SUGT1: variants seen among roughly 807,000 people sequenced by gnomAD.
SUGT1 encodes protein SGT1 homolog.
SUGT1 carries 15 observed loss-of-function variants against 56.1 expected under a neutral mutation model. The observed-to-expected ratio is 0.27, with a 90% CI of 0.18 to 0.41. The LOEUF is 0.41. SUGT1 is among the 10% of genes least tolerant of loss of function. The probability of loss-of-function intolerance (pLI) is 1.00; values close to 1 mark genes in which losing one functional copy is unlikely to be tolerated. For synonymous variants in SUGT1, 123 were observed against 128.6 expected, an observed-to-expected ratio of 0.96 and a Z score of 0.30; for missense variants, 347 against 382.2, an observed-to-expected ratio of 0.91 and a Z score of 0.77.
intron 10 of SUGT1, among the ~76,000 whole-genome samples, chr13:52,673,791 T>C (rs1010319720): frequency 1.3e-5 from 2 of 152,230 alleles, no homozygotes; most frequent in Non-Finnish European, 2.9e-5. Flanking sequence ...TTAAAGAAGA[T>C]GCAATTTTAA....
intron 5 of SUGT1, among the ~76,000 whole-genome samples, chr13:52,659,816 T>TATATATATA (rs1962350522): frequency 4.1e-5 from 1 of 24,324 alleles, no homozygotes; most frequent in East Asian, 1.3e-3. Context: ...ATATATATAT[T>TATATATATA]TTTTTTTTTT....
In SUGT1 at chr13:52,652,855, G is replaced by C; in HGVS notation, c.-66G>C. On this transcript the variant is annotated 5_prime_UTR_variant, in exon 1 of 13. Coordinates refer to ENST00000310528, the MANE Select transcript of SUGT1 (RefSeq NM_006704.5). ...GTGTTTCTCCAGAAGTTTCCCCCTT[G>C]GGCGGTGGTGGAGGTGGTAACCGTG... 3.2e-6 allele frequency: 5 copies of C among 1,581,320 alleles called. No individual in the cohort carries two copies. In the South Asian group the frequency reaches 5.7e-5, roughly 18 times the overall value.
rs575716311 is a variant in SUGT1, at chr13:52,695,540, A to G, written c.*7705A>G. 15 of 152,332 alleles carry G rather than the reference A, an allele frequency of 9.8e-5. No homozygotes were observed. Among genetic ancestry groups the G allele is most frequent in the African/African-American group, 3.6e-4 (15 of 41,576 alleles). The allele number at this position is 152,332 out of a possible 1,614,324, so 9.4% of individuals were successfully genotyped here. Reference sequence around the variant, plus strand: ...TCAAATTATGTTACCAATAAATGCTACTTAAATGTAAAGTCCTTGATTTAT... The same window carrying G: ...TCAAATTATGTTACCAATAAATGCTGCTTAAATGTAAAGTCCTTGATTTAT... On this transcript the variant is annotated 3_prime_UTR_variant, in exon 13 of 13. Transcript: ENST00000310528.
At chr13:52,675,969 G>A (rs1279143459) in intron 10 of SUGT1, among the ~76,000 whole-genome samples, 1 of 151,830 alleles carries the variant, frequency 6.6e-6, no homozygotes, top group Non-Finnish European at 1.5e-5. Context: ...ACATTGCTTT[G>A]GATGAAAAAA....
chr13:52,659,065 A>G (rs1962302788), intron 4 of SUGT1, 114 bp from the exon 5 acceptor site: 1 of 745,212 alleles, frequency 1.3e-6, no homozygotes, highest in South Asian at 2.2e-5. Flanking sequence ...ATTAACATAC[A>G]CTTAAAATAA....
intron 2 of SUGT1, among the ~76,000 whole-genome samples, chr13:52,654,356 C>G (rs1962060491): frequency 1.3e-5 from 2 of 152,202 alleles, no homozygotes; most frequent in African/African-American, 4.8e-5. Context: ...AGACCTAGTG[C>G]TTCCTTTGGG....
chr13:52,654,529 C>A (rs1962067642), intron 2 of SUGT1, among the ~76,000 whole-genome samples: 1 of 152,176 alleles, frequency 6.6e-6, no homozygotes, highest in Non-Finnish European at 1.5e-5. Context: ...CACATGTTTA[C>A]ACCACCAGAT....
At chr13:52,682,163 T>TA (rs1369104942) in intron 12 of SUGT1, among the ~76,000 whole-genome samples, 1 of 152,150 alleles carries the variant, frequency 6.6e-6, no homozygotes, top group Non-Finnish European at 1.5e-5. Context: ...CTCTCCTATT[T>TA]AAAAAATAAA....
chr13:52,682,597 G>T (rs1438508946), intron 12 of SUGT1, among the ~76,000 whole-genome samples: 1 of 152,162 alleles, frequency 6.6e-6, no homozygotes, highest in Non-Finnish European at 1.5e-5. Flanking sequence ...TAGTATGTTC[G>T]GGTGTTCTGG....
rs1566194178 is a variant in SUGT1 at position 52,679,990 on chromosome 13, T to TCCA, written c.736_738dup (p.Pro246dup). ...ACTTCATAGATGTAAAGAACCTATA[T>TCCA]CCATCATCATCTCCTTATACAAGAA... On this transcript the variant is annotated inframe_insertion, in exon 12 of 13. Transcript: ENST00000310528. 1 of 1,595,460 alleles carries TCCA rather than the reference T, an allele frequency of 6.3e-7. No homozygotes were observed. The highest frequency in any genetic ancestry group is 8.5e-7 in the Non-Finnish European group (1 of 1,175,220).
intron 5 of SUGT1, among the ~76,000 whole-genome samples, chr13:52,660,406 TCTATAATGCCC>T: frequency 6.6e-6 from 1 of 152,166 alleles, no homozygotes; most frequent in Non-Finnish European, 1.5e-5. Flanking sequence ...TACTAAATAT[TCTATAATGCCC>T]AGGACAGTTC....
intron 2 of SUGT1, among the ~76,000 whole-genome samples, chr13:52,654,059 G>A (rs1204904453): frequency 6.6e-6 from 1 of 152,196 alleles, no homozygotes; most frequent in Non-Finnish European, 1.5e-5. Context: ...TCTTGAGGTA[G>A]GAATGAAGTT....
intron 2 of SUGT1, among the ~76,000 whole-genome samples, chr13:52,653,552 T>A (rs956647152): frequency 2.0e-5 from 3 of 152,230 alleles, no homozygotes; most frequent in Non-Finnish European, 4.4e-5. Flanking sequence ...ACTTTCCAGA[T>A]GTCTTATCAC....
rs537442976 is a variant in SUGT1, at chr13:52,665,564, A to T, written c.423-73A>T. The T allele has an allele frequency of 3.0e-4, 324 of 1,075,060 alleles. 2 individuals are homozygous for T. The African/African-American group carries it at 4.8e-3, about 16-fold the overall frequency. 66.6% of individuals were successfully genotyped at this position (1,075,060 alleles called of 1,614,324 possible). ...AGGTGGGGCTCTTGTTGTTTATCAGACTAGTTTTTGTTTTGACAATAGCTT... is the reference window on the plus strand; with the variant it reads ...AGGTGGGGCTCTTGTTGTTTATCAGTCTAGTTTTTGTTTTGACAATAGCTT... On this transcript the variant is annotated intron_variant, in intron 8 of 12. Coordinates refer to ENST00000310528, the MANE Select transcript of SUGT1 (RefSeq NM_006704.5).
intron 10 of SUGT1, among the ~76,000 whole-genome samples, chr13:52,667,855 A>AAG (rs1396126753): frequency 1.3e-5 from 2 of 152,140 alleles, no homozygotes; most frequent in Non-Finnish European, 2.9e-5. Flanking sequence ...GCACCTTTGA[A>AAG]AGGAGGGCTG....
At chr13:52,659,671 A>G (rs1404295043) in intron 5 of SUGT1, among the ~76,000 whole-genome samples, 1 of 151,416 alleles carries the variant, frequency 6.6e-6, no homozygotes, top group Non-Finnish European at 1.5e-5. Context: ...ATGAGAGGGT[A>G]CAGAAGAAAC....
At position 52,696,372 on chromosome 13, in the gene SUGT1, CTATT is replaced by C. The variant is rs1175917558; in HGVS notation, c.*8541_*8544del. On this transcript the variant is annotated 3_prime_UTR_variant, in exon 13 of 13. Coordinates refer to ENST00000310528, the MANE Select transcript of SUGT1 (RefSeq NM_006704.5). ...ATGTGGGAGTGCCTTGTTTATGCCT[CTATT>C]TATGACACCTTCATGGTGTCACATG... 6.6e-6 allele frequency: 1 copy of C among 152,170 alleles called. No homozygotes were observed. The highest frequency in any genetic ancestry group is 6.5e-5 in the Admixed American group (1 of 15,276). 9.4% of individuals were successfully genotyped at this position (152,170 alleles called of 1,614,324 possible).
chr13:52,679,203 T>G (rs1963268513), intron 11 of SUGT1, among the ~76,000 whole-genome samples: 1 of 152,218 alleles, frequency 6.6e-6, no homozygotes, highest in Non-Finnish European at 1.5e-5. Flanking sequence ...TCTAATTATT[T>G]GTGTGCCAAG....
In SUGT1 at chr13:52,652,896, G is replaced by C; in HGVS notation, c.-25G>C. ...GGTAACCGTGATAGTAGCAGCTCCGGCGGCAGCAACAGCGACTACGAGGGA... is the reference window on the plus strand; with the variant it reads ...GGTAACCGTGATAGTAGCAGCTCCGCCGGCAGCAACAGCGACTACGAGGGA... On this transcript the variant is annotated 5_prime_UTR_variant, in exon 1 of 13. Transcript: ENST00000310528. 8 of 1,611,548 alleles carry C rather than the reference G, an allele frequency of 5.0e-6. No individual in the cohort carries two copies. Among genetic ancestry groups the C allele is most frequent in the Non-Finnish European group, 5.1e-6 (6 of 1,178,668 alleles).
Sources: gnomAD v4.1 joint callset for allele counts (sites outside exome capture counted in the v4.1 genomes callset) on GRCh38, gnomAD v4.1.1 for gene constraint, MANE v1.5 for transcripts, NCBI Gene and HGNC (gene_info 2026-07-23, HGNC 2026-07-21) for gene names.